Variants in ANXA10 observed in about 807,000 individuals in gnomAD.
ANXA10 encodes the protein annexin A10, also known as annexin 14.
A neutral mutation model predicts 53.5 loss-of-function variants in ANXA10; 49 were observed. The ratio of observed to expected loss-of-function variants is 0.92; its 90% CI spans 0.73 to 1.16. The LOEUF is 1.16. ANXA10 is among the 50% of genes most tolerant of loss of function. The probability of loss-of-function intolerance (pLI) is 0.00; values close to 1 mark genes in which losing one functional copy is unlikely to be tolerated. For synonymous variants in ANXA10, 131 were observed against 128.9 expected, an observed-to-expected ratio of 1.02 and a Z score of -0.11; for missense variants, 393 against 394.4, an observed-to-expected ratio of 1.00 and a Z score of 0.03.
intron 3 of ANXA10, 83 bp from the exon 4 acceptor site, chr4:168,162,445 T>C: frequency 2.1e-6 from 2 of 951,618 alleles, no homozygotes; most frequent in Non-Finnish European, 3.3e-6. Flanking sequence ...GAAAAGAAAA[T>C]ATTAAAAGAC....
intron 1 of ANXA10, among the ~76,000 whole-genome samples, chr4:168,103,509 G>A (rs1040526290): frequency 6.6e-6 from 1 of 151,864 alleles, no homozygotes; most frequent in Non-Finnish European, 1.5e-5. Context: ...GTCCAATCGA[G>A]CTATACTTCA....
intron 6 of ANXA10, among the ~76,000 whole-genome samples, chr4:168,169,561 C>A (rs1415751779): frequency 1.3e-5 from 2 of 152,148 alleles, no homozygotes; most frequent in Non-Finnish European, 2.9e-5. Context: ...GGATGCCGAT[C>A]TCCGTCTCAA....
intron 3 of ANXA10, among the ~76,000 whole-genome samples, chr4:168,151,122 A>G (rs1169444772): frequency 6.6e-6 from 1 of 152,190 alleles, no homozygotes; most frequent in Admixed American, 6.6e-5. Flanking sequence ...TTTCAATATA[A>G]TATAAAATGA....
intron 3 of ANXA10, among the ~76,000 whole-genome samples, chr4:168,157,750 T>C (rs573408523): frequency 6.6e-6 from 1 of 152,292 alleles, no homozygotes; most frequent in African/African-American, 2.4e-5. Context: ...TCTAGATTCA[T>C]TTTCTCAGAA....
intron 1 of ANXA10, among the ~76,000 whole-genome samples, chr4:168,108,206 C>T (rs975162802): frequency 3.9e-5 from 6 of 152,140 alleles, no homozygotes; most frequent in Admixed American, 6.5e-5. Context: ...GGGTTTTAGC[C>T]GGCTTCTTTA....
rs1436689694 is a variant in ANXA10 at position 168,153,863 on chromosome 4, C to A, written c.196-8665C>A. Among the ~76,000 whole-genome samples, 3 of 152,110 alleles carry A rather than the reference C, an allele frequency of 2.0e-5. No individual in the cohort carries two copies. The East Asian group carries it at 5.8e-4, about 29-fold the overall frequency. On this transcript the variant is annotated intron_variant, in intron 3 of 11. Transcript: ENST00000359299. Reference sequence around the variant, plus strand: ...CTGTGAGGATTCAAGCCTAAAAACCCTACCTCCAGAACCTGTACATTCGAA... The same window carrying A: ...CTGTGAGGATTCAAGCCTAAAAACCATACCTCCAGAACCTGTACATTCGAA...
At chr4:168,119,830 GTA>G (rs1730956705) in intron 1 of ANXA10, among the ~76,000 whole-genome samples, 1 of 152,026 alleles carries the variant, frequency 6.6e-6, no homozygotes, top group African/African-American at 2.4e-5. Context: ...TGGAAAATAA[GTA>G]TATACATACC....
chr4:168,156,166 A>T (rs1306605446), intron 3 of ANXA10, among the ~76,000 whole-genome samples: 3 of 33,470 alleles, frequency 9.0e-5, no homozygotes, highest in Non-Finnish European at 9.8e-5. Flanking sequence ...TATATATTAT[A>T]TATATTATAT....
chr4:168,103,866 A>AT (rs1730679063), intron 1 of ANXA10, among the ~76,000 whole-genome samples: 1 of 151,934 alleles, frequency 6.6e-6, no homozygotes, highest in Non-Finnish European at 1.5e-5. Flanking sequence ...TCCAATATGT[A>AT]TAATGCTTAT....
chr4:168,119,276 C>T lies in ANXA10; in HGVS notation c.19-8808C>T, dbSNP rs1310974705. 2.6e-5 allele frequency among the ~76,000 whole-genome samples: 4 copies of T among 152,120 alleles called. No individual in the cohort carries two copies. The East Asian group carries it at 5.8e-4, about 22-fold the overall frequency. On this transcript the variant is annotated intron_variant, in intron 1 of 11. Coordinates refer to ENST00000359299, the MANE Select transcript of ANXA10 (RefSeq NM_007193.5). The stretch of plus-strand genomic sequence containing the variant: ...AGGTGGAACCTCATAGAGATAACCT[C>T]GTTAAGAGGAGTCAGAAAAATGTAC...
chr4:168,160,166 T>C (rs1294418987), intron 3 of ANXA10, among the ~76,000 whole-genome samples: 4 of 152,128 alleles, frequency 2.6e-5, no homozygotes, highest in Non-Finnish European at 5.9e-5. Context: ...AACCTAGATA[T>C]TAAGCCCATT....
rs141988771 is a variant in ANXA10, at chr4:168,101,062, G to GT, written c.18+8345dup. Among the ~76,000 whole-genome samples the GT allele has an allele frequency of 6.7e-3, 1,013 of 152,108 alleles. 14 individuals are homozygous for GT. The highest frequency in any genetic ancestry group is 0.024 in the African/African-American group (978 of 41,482). ...TTCCCGGTATTGAAGGTGGGGCCTG[G>GT]TGGGAGGTGATTGGATAGTGGGGGC... On this transcript the variant is annotated intron_variant, in intron 1 of 11. Coordinates refer to ENST00000359299, the MANE Select transcript of ANXA10 (RefSeq NM_007193.5).
chr4:168,151,907 T>C (rs1035762385), intron 3 of ANXA10, among the ~76,000 whole-genome samples: 2 of 152,336 alleles, frequency 1.3e-5, no homozygotes, highest in East Asian at 3.9e-4. Context: ...CACTTATTTA[T>C]GTTCAAATTG....
intron 1 of ANXA10, among the ~76,000 whole-genome samples, chr4:168,114,663 T>C (rs1158064966): frequency 6.6e-6 from 1 of 152,142 alleles, no homozygotes; most frequent in East Asian, 1.9e-4. Flanking sequence ...TCTGAAAGGA[T>C]CCAATGTGTG....
intron 1 of ANXA10, among the ~76,000 whole-genome samples, chr4:168,110,922 G>A (rs1303157517): frequency 6.6e-6 from 1 of 152,106 alleles, no homozygotes; most frequent in Admixed American, 6.5e-5. Flanking sequence ...GTAATCTAAA[G>A]GACCATTCTT....
intron 1 of ANXA10, among the ~76,000 whole-genome samples, chr4:168,096,936 A>ATG (rs1730558922): frequency 6.8e-6 from 1 of 147,990 alleles, no homozygotes; most frequent in Admixed American, 6.8e-5. Flanking sequence ...ATATGTATGT[A>ATG]TATGTATATA....
intron 1 of ANXA10, 87 bp downstream of exon 1, chr4:168,092,805 A>G: frequency 1.6e-6 from 2 of 1,281,804 alleles, no homozygotes; most frequent in Non-Finnish European, 1.1e-6. Flanking sequence ...GACGTTTTTA[A>G]CAGAAAATGT....
chr4:168,139,538 A>C lies in ANXA10; in HGVS notation c.153A>C (p.Gln51His). 2.5e-6 allele frequency: 4 copies of C among 1,613,182 alleles called. No homozygotes were observed. Among genetic ancestry groups the C allele is most frequent in the Non-Finnish European group, 3.4e-6 (4 of 1,179,304 alleles). Residue 51 changes from glutamine to histidine, a missense_variant, in exon 3 of 12, where the codon CAA (glutamine) becomes CAC (histidine). Transcript: ENST00000359299. Reference protein sequence around the residue: ...INILTQRCNAQRMMIAEAYQS... With the variant: ...INILTQRCNAHRMMIAEAYQS... ...TTCTGACTCAGCGCTGCAATGCACA[A>C]AGGATGATGATTGCAGAGGCATACC...
At chr4:168,168,380 T>C (rs918911655) in intron 6 of ANXA10, among the ~76,000 whole-genome samples, 9 of 152,200 alleles carry the variant, frequency 5.9e-5, no homozygotes, top group African/African-American at 2.2e-4. Flanking sequence ...TTCAAGGAAG[T>C]TGAAACAAGT....
Sources: allele counts gnomAD v4.1 joint callset (sites outside exome capture counted in the v4.1 genomes callset), GRCh38; gene constraint gnomAD v4.1.1; transcripts MANE v1.5; gene names NCBI Gene and HGNC (gene_info 2026-07-23, HGNC 2026-07-21).